The following KIAA1217 variants were observed in gnomAD, a reference collection of about 807,000 sequenced individuals.
The protein encoded by KIAA1217 is KIAA1217, also known as sickle tail protein homolog.
KIAA1217 carries 88 observed loss-of-function variants against 163.9 expected under a neutral mutation model. The ratio of observed to expected loss-of-function variants is 0.54; its 90% CI spans 0.45 to 0.64. The LOEUF is 0.64. Ranked by LOEUF, KIAA1217 falls within the 30% of genes least tolerant of loss-of-function variation. KIAA1217 has a pLI of 0.00. For synonymous variants in KIAA1217, 903 were observed against 923.1 expected (o/e 0.98, Z 0.39); for missense variants, 2,372 against 2,475.0 (o/e 0.96, Z 0.88).
intron 2 of KIAA1217, among the ~76,000 whole-genome samples, chr10:24,153,625 T>C (rs2064728708): frequency 6.6e-6 from 1 of 152,194 alleles, no homozygotes; most frequent in Admixed American, 6.5e-5. Context: ...CACTGACCTG[T>C]ATATTGTTCT....
intron 1 of KIAA1217, among the ~76,000 whole-genome samples, chr10:23,894,010 A>G (rs1377068463): frequency 6.6e-6 from 1 of 151,952 alleles, no homozygotes; most frequent in African/African-American, 2.4e-5. Flanking sequence ...AGAACTATCT[A>G]TGACAAACCC....
chr10:24,039,449 C>A (rs1848534839), intron 2 of KIAA1217, among the ~76,000 whole-genome samples: 1 of 152,096 alleles, frequency 6.6e-6, no homozygotes, highest in African/African-American at 2.4e-5. Flanking sequence ...ATATGCTGGG[C>A]AGCAGCAGTG....
chr10:24,067,010 T>C (rs908464749), intron 2 of KIAA1217, among the ~76,000 whole-genome samples: 1 of 152,242 alleles, frequency 6.6e-6, no homozygotes, highest in Non-Finnish European at 1.5e-5. Context: ...CTTTAAGGAC[T>C]TCTCTGCATT....
At chr10:23,965,426 T>C (rs1453139908) in intron 1 of KIAA1217, among the ~76,000 whole-genome samples, 2 of 152,218 alleles carry the variant, frequency 1.3e-5, no homozygotes, top group Non-Finnish European at 2.9e-5. Context: ...GTTTAGTCAT[T>C]GTGGATAGAG....
At chr10:23,946,733 A>T (rs922116324) in intron 1 of KIAA1217, among the ~76,000 whole-genome samples, 2 of 152,170 alleles carry the variant, frequency 1.3e-5, no homozygotes, top group Non-Finnish European at 2.9e-5. Flanking sequence ...CATCTTTCTG[A>T]TAGGTAAAAC....
At chr10:24,038,629 G>A (rs879315502) in intron 2 of KIAA1217, among the ~76,000 whole-genome samples, 34 of 152,148 alleles carry the variant, frequency 2.2e-4, no homozygotes, top group Admixed American at 2.0e-3. Context: ...GAGGGCAGCC[G>A]AGGAAAATTG....
At chr10:24,050,013 G>A (rs1024874904) in intron 2 of KIAA1217, among the ~76,000 whole-genome samples, 22 of 152,206 alleles carry the variant, frequency 1.4e-4, no homozygotes, top group African/African-American at 5.1e-4. Context: ...ACTGGCATGA[G>A]ATGGTATCTC....
chr10:23,830,350 A>T (rs894955245), intron 1 of KIAA1217, among the ~76,000 whole-genome samples: 1 of 152,178 alleles, frequency 6.6e-6, no homozygotes, highest in East Asian at 1.9e-4. Context: ...TAATAATTAC[A>T]TGGCTGCTTA....
At chr10:24,089,869 A>G (rs761472971) in intron 2 of KIAA1217, among the ~76,000 whole-genome samples, 2 of 151,882 alleles carry the variant, frequency 1.3e-5, no homozygotes, top group Non-Finnish European at 2.9e-5. Context: ...CATACTGCCC[A>G]AGGTAATTTA....
intron 17 of KIAA1217, among the ~76,000 whole-genome samples, chr10:24,541,993 G>T (rs1031560309): frequency 2.6e-5 from 4 of 152,140 alleles, no homozygotes; most frequent in African/African-American, 9.7e-5. Flanking sequence ...ATTTGGATTT[G>T]GTCATCGTGG....
chr10:24,044,725 G>C (rs1206347723), intron 2 of KIAA1217, among the ~76,000 whole-genome samples: 1 of 152,108 alleles, frequency 6.6e-6, no homozygotes, highest in Admixed American at 6.6e-5. Flanking sequence ...AATCAGTACA[G>C]TGTGTAACTA....
chr10:24,369,177 C>CTGTGTG (rs1330525924), intron 2 of KIAA1217, among the ~76,000 whole-genome samples: 41 of 78,898 alleles, frequency 5.2e-4, no homozygotes, highest in African/African-American at 2.6e-3. Context: ...AGAACTTTCA[C>CTGTGTG]TATGTGTGTG....
chr10:23,748,322 T>C (rs1839521328), intron 1 of KIAA1217, among the ~76,000 whole-genome samples: 2 of 151,890 alleles, frequency 1.3e-5, no homozygotes, highest in African/African-American at 4.8e-5. Context: ...TTTAATTTTC[T>C]AGCAGCCTTC....
intron 5 of KIAA1217, among the ~76,000 whole-genome samples, chr10:24,442,125 CT>C (rs2060546320): frequency 6.6e-6 from 1 of 152,112 alleles, no homozygotes; most frequent in East Asian, 1.9e-4. Flanking sequence ...TTGGCCCTAC[CT>C]CTTAAATTAT....
intron 1 of KIAA1217, among the ~76,000 whole-genome samples, chr10:23,798,605 G>T (rs1250012817): frequency 6.6e-6 from 1 of 152,136 alleles, no homozygotes; most frequent in Admixed American, 6.5e-5. Flanking sequence ...AAACTTAATG[G>T]TAGAGTGAGT....
chr10:24,322,033 C>T (rs577434389), intron 2 of KIAA1217, among the ~76,000 whole-genome samples: 34 of 152,236 alleles, frequency 2.2e-4, no homozygotes, highest in African/African-American at 8.2e-4. Flanking sequence ...ACTGCAATCT[C>T]CACCTCCCAG....
chr10:24,116,383 G>T (rs540155792), intron 2 of KIAA1217, among the ~76,000 whole-genome samples: 20 of 152,170 alleles, frequency 1.3e-4, no homozygotes, highest in Middle Eastern at 3.4e-3. Flanking sequence ...AATATTTTGG[G>T]CTCTGCAGAC....
At chr10:23,867,462 C>T (rs1469060860) in intron 1 of KIAA1217, among the ~76,000 whole-genome samples, 1 of 152,166 alleles carries the variant, frequency 6.6e-6, no homozygotes, top group East Asian at 1.9e-4. Context: ...TTTACAGTCC[C>T]ATCAACAGTT....
At chr10:24,539,510 C>T (rs947166685) in intron 17 of KIAA1217, among the ~76,000 whole-genome samples, 13 of 152,288 alleles carry the variant, frequency 8.5e-5, no homozygotes, top group Admixed American at 3.9e-4. Flanking sequence ...GGATTACAAG[C>T]GTGAGCCACC....
Sources: gnomAD v4.1 joint callset for allele counts (sites outside exome capture counted in the v4.1 genomes callset) on GRCh38, gnomAD v4.1.1 for gene constraint, MANE v1.5 for transcripts, NCBI Gene and HGNC (gene_info 2026-07-23, HGNC 2026-07-21) for gene names.